Variants in NLGN4X observed in about 807,000 individuals in gnomAD.
NLGN4X encodes neuroligin-4, X-linked.
Under a neutral mutation model 40.3 loss-of-function variants are expected in NLGN4X, and 3 were observed. The ratio of observed to expected loss-of-function variants is 0.07; its 90% confidence interval spans 0.03 to 0.19. The LOEUF (loss-of-function observed/expected upper bound fraction) is 0.19. NLGN4X is among the 10% of genes least tolerant of loss of function. NLGN4X has a pLI of 1.00. For synonymous variants in NLGN4X, 270 were observed against 306.8 expected, an observed-to-expected ratio of 0.88 and a Z score of 1.25; for missense variants, 382 against 708.3, an observed-to-expected ratio of 0.54 and a Z score of 5.23.
chrX:6,182,205 C>A (rs1302705557), intron 1 of NLGN4X, among the ~76,000 whole-genome samples: 2 of 111,847 alleles, frequency 1.8e-5, no homozygotes, highest in African/African-American at 6.5e-5. Flanking sequence ...TCACCTAAGA[C>A]CATTTCACTG....
intron 1 of NLGN4X, among the ~76,000 whole-genome samples, chrX:6,160,376 A>G (rs1044909745): frequency 1.8e-5 from 2 of 111,548 alleles, no homozygotes; most frequent in African/African-American, 3.3e-5. Flanking sequence ...TGAATTGTAC[A>G]TGAGGATTTG....
At chrX:5,980,085 AATATATG>A (rs1028781532) in intron 3 of NLGN4X, among the ~76,000 whole-genome samples, 10 of 106,508 alleles carry the variant, frequency 9.4e-5, no homozygotes, top group African/African-American at 3.0e-4. Flanking sequence ...CTGTATGGTA[AATATATG>A]ATATATTTTA....
intron 2 of NLGN4X, among the ~76,000 whole-genome samples, chrX:6,098,428 A>G (rs1275947692): frequency 1.8e-5 from 2 of 112,061 alleles, no homozygotes; most frequent in African/African-American, 6.5e-5. Context: ...TGAGAATATG[A>G]TCTCCCTAGT....
At chrX:6,170,761 T>C (rs908158445) in intron 1 of NLGN4X, among the ~76,000 whole-genome samples, 1 of 112,343 alleles carries the variant, frequency 8.9e-6, no homozygotes, top group East Asian at 2.8e-4. Flanking sequence ...TTTTTCTTGA[T>C]ATATTATTTT....
chrX:6,076,305 C>G (rs1395972097), intron 2 of NLGN4X, among the ~76,000 whole-genome samples: 1 of 111,859 alleles, frequency 8.9e-6, no homozygotes, highest in African/African-American at 3.3e-5. Flanking sequence ...TACTCAGCAA[C>G]AAAAGCATCT....
intron 3 of NLGN4X, among the ~76,000 whole-genome samples, chrX:5,926,956 CTATCTATCTA>C (rs2033353771): frequency 1.8e-5 from 2 of 108,919 alleles, no homozygotes; most frequent in African/African-American, 6.7e-5. Flanking sequence ...ATCTATCTAT[CTATCTATCTA>C]TCTATCTATC....
At chrX:6,135,801 A>G (rs969757920) in intron 2 of NLGN4X, among the ~76,000 whole-genome samples, 2 of 111,780 alleles carry the variant, frequency 1.8e-5, no homozygotes, top group Admixed American at 9.5e-5. Flanking sequence ...AAAGCCAAAG[A>G]AGAAACATGG....
intron 2 of NLGN4X, among the ~76,000 whole-genome samples, chrX:6,150,055 T>C (rs2040132900): frequency 9.0e-6 from 1 of 111,545 alleles, no homozygotes; most frequent in African/African-American, 3.3e-5. Flanking sequence ...ACACTCTAGT[T>C]TCTACATTAG....
At chrX:5,926,008 C>A (rs2033303010) in intron 3 of NLGN4X, among the ~76,000 whole-genome samples, 1 of 97,986 alleles carries the variant, frequency 1.0e-5, no homozygotes. Flanking sequence ...GTGTCCCCAC[C>A]CAAATCCCAT....
At chrX:5,985,815 A>C (rs916284903) in intron 3 of NLGN4X, among the ~76,000 whole-genome samples, 2 of 111,913 alleles carry the variant, frequency 1.8e-5, no homozygotes, top group African/African-American at 6.5e-5. Context: ...AACTATACAC[A>C]ATTGGATTAC....
At chrX:6,098,414 T>C (rs1342987613) in intron 2 of NLGN4X, among the ~76,000 whole-genome samples, 2 of 112,197 alleles carry the variant, frequency 1.8e-5, no homozygotes, top group African/African-American at 3.2e-5. Flanking sequence ...AAATGTCTTC[T>C]GAGTGAGAAT....
intron 1 of NLGN4X, among the ~76,000 whole-genome samples, chrX:6,156,291 C>T (rs1165045796): frequency 4.5e-5 from 5 of 110,653 alleles, no homozygotes; most frequent in Non-Finnish European, 7.6e-5. Context: ...AGGTGGATCA[C>T]GAGGTCAGGA....
chrX:6,042,730 T>TACATACACAC (rs1555956846), intron 2 of NLGN4X, among the ~76,000 whole-genome samples: 1 of 20,149 alleles, frequency 5.0e-5, no homozygotes, highest in Non-Finnish European at 9.1e-5. Context: ...TATATATATA[T>TACATACACAC]ACACACACAC....
At chrX:5,981,131 T>C (rs2035375489) in intron 3 of NLGN4X, among the ~76,000 whole-genome samples, 1 of 110,975 alleles carries the variant, frequency 9.0e-6, no homozygotes, top group Non-Finnish European at 1.9e-5. Flanking sequence ...CTTTGTCAGA[T>C]TTACTACTCT....
chrX:5,999,451 A>G (rs912417326), intron 3 of NLGN4X, among the ~76,000 whole-genome samples: 4 of 112,395 alleles, frequency 3.6e-5, no homozygotes, highest in Non-Finnish European at 7.5e-5. Flanking sequence ...AAGTATGATA[A>G]CTTTGGCTTG....
At chrX:6,037,907 T>A (rs927755031) in intron 2 of NLGN4X, among the ~76,000 whole-genome samples, 2 of 111,705 alleles carry the variant, frequency 1.8e-5, no homozygotes, top group Admixed American at 1.9e-4. Context: ...AAGTGACTGG[T>A]ATGTCCTCAC....
intron 1 of NLGN4X, among the ~76,000 whole-genome samples, chrX:6,208,717 A>G (rs968744596): frequency 8.9e-5 from 10 of 112,011 alleles, no homozygotes; most frequent in Non-Finnish European, 1.5e-4. Context: ...GTGGATGTCA[A>G]ACTCAAAACA....
chrX:5,979,039 T>C (rs2035295379), intron 3 of NLGN4X, among the ~76,000 whole-genome samples: 1 of 111,390 alleles, frequency 9.0e-6, no homozygotes, highest in African/African-American at 3.3e-5. Flanking sequence ...CATATATATA[T>C]ATCACACCCC....
At chrX:6,024,088 C>T (rs748336884) in intron 3 of NLGN4X, among the ~76,000 whole-genome samples, 1 of 112,094 alleles carries the variant, frequency 8.9e-6, no homozygotes, top group Non-Finnish European at 1.9e-5. Flanking sequence ...CAGTAATGGC[C>T]TTACAGGGAT....
Sources: gnomAD v4.1 joint callset for allele counts (sites outside exome capture counted in the v4.1 genomes callset) on GRCh38, gnomAD v4.1.1 for gene constraint, MANE v1.5 for transcripts, NCBI Gene and HGNC (gene_info 2026-07-23, HGNC 2026-07-21) for gene names.